MGAT5: variants seen among roughly 807,000 people sequenced by gnomAD.
MGAT5 encodes the protein alpha-1,6-mannosylglycoprotein 6-beta-N-acetylglucosaminyltransferase A.
MGAT5 carries 30 observed loss-of-function variants against 94.3 expected under a neutral mutation model. The observed-to-expected ratio is 0.32, with a 90% CI of 0.24 to 0.43. The LOEUF (loss-of-function observed/expected upper bound fraction) is 0.43, where lower values mean the gene tolerates loss of function less well. Ranked by LOEUF, MGAT5 falls within the 20% of genes least tolerant of loss-of-function variation. MGAT5 has a pLI of 1.00. For missense variants in MGAT5, 691 were observed against 905.5 expected, an observed-to-expected ratio of 0.76 and a Z score of 3.04; for synonymous variants, 310 against 322.9, an observed-to-expected ratio of 0.96 and a Z score of 0.43.
intron 12 of MGAT5, among the ~76,000 whole-genome samples, chr2:134,419,356 A>G (rs1684152796): frequency 6.6e-6 from 1 of 151,388 alleles, no homozygotes; most frequent in Admixed American, 6.6e-5. Flanking sequence ...CTGGATTTTT[A>G]TCTTTATATT....
chr2:134,319,253 C>T (rs1687180837), intron 4 of MGAT5, among the ~76,000 whole-genome samples: 1 of 152,140 alleles, frequency 6.6e-6, no homozygotes, highest in Non-Finnish European at 1.5e-5. Context: ...TTTTGTAAAG[C>T]AGCTGCCCCA....
chr2:134,315,830 T>C (rs1686966341), intron 2 of MGAT5, among the ~76,000 whole-genome samples: 2 of 152,212 alleles, frequency 1.3e-5, no homozygotes, highest in Admixed American at 1.3e-4. Flanking sequence ...TATTTATTTT[T>C]ATGCTCTAGT....
intron 1 of MGAT5, among the ~76,000 whole-genome samples, chr2:134,265,739 T>A (rs1683672457): frequency 6.6e-6 from 1 of 152,200 alleles, no homozygotes; most frequent in African/African-American, 2.4e-5. Flanking sequence ...TGAGGACGCA[T>A]TTTATGGCTA....
At chr2:134,142,644 A>G (rs186898655) in intron 1 of MGAT5, among the ~76,000 whole-genome samples, 4 of 152,306 alleles carry the variant, frequency 2.6e-5, no homozygotes, top group African/African-American at 7.2e-5. Context: ...CTGCGTTTTT[A>G]TTGGTTTTGG....
intron 1 of MGAT5, among the ~76,000 whole-genome samples, chr2:134,157,922 G>A (rs1463661472): frequency 6.6e-6 from 1 of 152,228 alleles, no homozygotes; most frequent in Non-Finnish European, 1.5e-5. Flanking sequence ...TCTATCCACA[G>A]GCAGGGTGTC....
chr2:134,326,821 C>T (rs1687673768), intron 4 of MGAT5, among the ~76,000 whole-genome samples: 1 of 151,934 alleles, frequency 6.6e-6, no homozygotes, highest in Non-Finnish European at 1.5e-5. Flanking sequence ...AGGATAGGCC[C>T]TACTGAGAAG....
At chr2:134,437,101 G>A (rs1325115154) in intron 14 of MGAT5, among the ~76,000 whole-genome samples, 2 of 152,196 alleles carry the variant, frequency 1.3e-5, no homozygotes, top group Non-Finnish European at 2.9e-5. Flanking sequence ...CAATTCTCCT[G>A]TCTTAGCCTC....
chr2:134,245,617 TCTC>T (rs905872649), intron 1 of MGAT5, among the ~76,000 whole-genome samples: 6 of 152,134 alleles, frequency 3.9e-5, no homozygotes, highest in African/African-American at 1.4e-4. Flanking sequence ...CTCCTCTGCT[TCTC>T]CTTTTAACAC....
intron 2 of MGAT5, among the ~76,000 whole-genome samples, chr2:134,285,240 G>T (rs1419322526): frequency 6.6e-6 from 1 of 151,724 alleles, no homozygotes; most frequent in East Asian, 1.9e-4. Context: ...CTGTTTTCTA[G>T]AGCACTGTCA....
intron 1 of MGAT5, among the ~76,000 whole-genome samples, chr2:134,152,338 C>A (rs1687256188): frequency 7.6e-6 from 1 of 131,776 alleles, no homozygotes; most frequent in Non-Finnish European, 1.6e-5. Flanking sequence ...GACCCGCCCA[C>A]CGCCATGGGA....
At chr2:134,151,048 C>A (rs933978057) in intron 1 of MGAT5, among the ~76,000 whole-genome samples, 1 of 152,096 alleles carries the variant, frequency 6.6e-6, no homozygotes, top group Non-Finnish European at 1.5e-5. Context: ...CCTTCTCAGT[C>A]CCAGGTTTGG....
chr2:134,422,551 G>A (rs1348070448), intron 12 of MGAT5, among the ~76,000 whole-genome samples: 1 of 152,072 alleles, frequency 6.6e-6, no homozygotes, highest in South Asian at 2.1e-4. Flanking sequence ...TGATGTTGGG[G>A]GCTAAAGCCT....
chr2:134,304,281 T>TA (rs1686201259), intron 2 of MGAT5, among the ~76,000 whole-genome samples: 1 of 152,156 alleles, frequency 6.6e-6, no homozygotes, highest in Non-Finnish European at 1.5e-5. Flanking sequence ...GGACCGTATG[T>TA]ATTTAACAGT....
chr2:134,299,010 T>C (rs1432011369), intron 2 of MGAT5, among the ~76,000 whole-genome samples: 1 of 152,210 alleles, frequency 6.6e-6, no homozygotes, highest in Non-Finnish European at 1.5e-5. Context: ...AATAATATTC[T>C]TACCTAGATC....
At chr2:134,166,313 A>G (rs1362813338) in intron 1 of MGAT5, among the ~76,000 whole-genome samples, 2 of 152,234 alleles carry the variant, frequency 1.3e-5, no homozygotes, top group African/African-American at 4.8e-5. Flanking sequence ...TAAGGGCACA[A>G]GTTTATTCGT....
At chr2:134,219,832 G>A (rs1680669828) in intron 1 of MGAT5, among the ~76,000 whole-genome samples, 1 of 152,186 alleles carries the variant, frequency 6.6e-6, no homozygotes, top group Non-Finnish European at 1.5e-5. Context: ...TCTTGTTCCT[G>A]CCTCCTGTCC....
At chr2:134,200,971 G>A (rs1679758656) in intron 1 of MGAT5, among the ~76,000 whole-genome samples, 2 of 151,962 alleles carry the variant, frequency 1.3e-5, no homozygotes, top group South Asian at 2.1e-4. Flanking sequence ...TGATTGCTAT[G>A]TGACACGATC....
At chr2:134,204,838 C>T (rs1241789022) in intron 1 of MGAT5, among the ~76,000 whole-genome samples, 1 of 152,054 alleles carries the variant, frequency 6.6e-6, no homozygotes, top group African/African-American at 2.4e-5. Context: ...CACACTCCAT[C>T]GACAAACAAT....
chr2:134,198,673 TGTAGTGGATCAA>T (rs111853250), intron 1 of MGAT5, among the ~76,000 whole-genome samples: 1 of 152,220 alleles, frequency 6.6e-6, no homozygotes, highest in African/African-American at 2.4e-5. Context: ...TATGATATAT[TGTAGTGGATCAA>T]GTAGTGCACG....
Sources: allele counts gnomAD v4.1 joint callset (sites outside exome capture counted in the v4.1 genomes callset), GRCh38; gene constraint gnomAD v4.1.1; transcripts MANE v1.5; gene names NCBI Gene and HGNC (gene_info 2026-07-23, HGNC 2026-07-21).